ATXN7L1: variants seen among roughly 807,000 people sequenced by gnomAD.
The protein encoded by ATXN7L1 is ataxin 7 like 1, also known as ataxin-7-like protein 1.
A neutral mutation model predicts 70.8 loss-of-function variants in ATXN7L1; 15 were observed. That is an observed-to-expected ratio of 0.21 (90% CI 0.14 to 0.33). The LOEUF is 0.33. ATXN7L1 is among the 10% of genes least tolerant of loss of function. The pLI is 1.00. For missense variants in ATXN7L1, 975 were observed against 1,097.1 expected, an observed-to-expected ratio of 0.89 and a Z score of 1.57; for synonymous variants, 440 against 445.1, an observed-to-expected ratio of 0.99 and a Z score of 0.14.
intron 3 of ATXN7L1, among the ~76,000 whole-genome samples, chr7:105,692,604 G>A (rs1482654791): frequency 6.6e-6 from 1 of 151,792 alleles, no homozygotes; most frequent in African/African-American, 2.4e-5. Context: ...GCACCACTAC[G>A]CCTGGCTAGT....
intron 2 of ATXN7L1, among the ~76,000 whole-genome samples, chr7:105,858,773 C>G (rs1816108725): frequency 1.3e-5 from 2 of 151,920 alleles, no homozygotes; most frequent in South Asian, 4.1e-4. Flanking sequence ...ACTTCCAGAA[C>G]AGGAGAAAAA....
chr7:105,790,699 C>CTATCTA lies in ATXN7L1; in HGVS notation c.251-1997_251-1992dup, dbSNP rs1805091701. ...ACTATCTATCTATCTATCTATCTAT[C>CTATCTA]TATCTATCTATCTATCTATCTGACA... On this transcript the variant is annotated intron_variant, in intron 2 of 11. Transcript: ENST00000419735. Among the ~76,000 whole-genome samples the CTATCTA allele has an allele frequency of 2.6e-5, 4 of 151,340 alleles. No homozygotes were observed. The South Asian group carries it at 8.4e-4, about 32-fold the overall frequency.
At chr7:105,868,884 A>G (rs988057902) in intron 2 of ATXN7L1, among the ~76,000 whole-genome samples, 1 of 152,224 alleles carries the variant, frequency 6.6e-6, no homozygotes, top group Non-Finnish European at 1.5e-5. Context: ...TATCATATAC[A>G]GTGTTTCCGT....
rs1273927872 is a variant in ATXN7L1 at position 105,614,385 on chromosome 7, G to A, written c.1949C>T (p.Ser650Leu). 1.1e-5 allele frequency: 17 copies of A among 1,552,256 alleles called. No homozygotes were observed. The highest frequency in any genetic ancestry group is 1.7e-4 in the Middle Eastern group (1 of 6,018). Residue 650 changes from serine to leucine, a missense_variant, in exon 10 of 12, where the codon TCG becomes TTG. Ser to Leu is a moderately radical substitution (Grantham distance 145, BLOSUM62 -2). This residue lies in a region of ATXN7L1 where 635 missense variants were observed against 699.4 expected (regional missense o/e 0.91). Transcript: ENST00000419735. The surrounding 1 kb of genome is among the most constrained non-coding windows in gnomAD (Gnocchi z 4.3). ...PSNKKRKPQSSTSSSSSSSSS... is the reference protein window; with the variant it reads ...PSNKKRKPQSLTSSSSSSSSS... ...GGAGGAGGAGGAGGAGGAGGAAGTC[G>A]AAGACTGTGGCTTCCTTTTTTTGTT...
At chr7:105,863,241 A>C (rs1816902324) in intron 2 of ATXN7L1, among the ~76,000 whole-genome samples, 1 of 152,216 alleles carries the variant, frequency 6.6e-6, no homozygotes. Context: ...CACAGTTTGC[A>C]TTAGCTCCTG....
intron 2 of ATXN7L1, among the ~76,000 whole-genome samples, chr7:105,837,611 A>G (rs1019388109): frequency 6.6e-6 from 1 of 152,308 alleles, no homozygotes; most frequent in East Asian, 1.9e-4. Flanking sequence ...TTCACTTGGC[A>G]TAGATGTATC....
intron 2 of ATXN7L1, chr7:105,820,204 G>A (rs1047825495): frequency 2.1e-5 from 5 of 243,092 alleles, no homozygotes; most frequent in Admixed American, 1.1e-4. Flanking sequence ...CCTGATGCCT[G>A]TAGGTCACAG....
At chr7:105,874,106 AGAGT>A (rs1818675034) in intron 2 of ATXN7L1, among the ~76,000 whole-genome samples, 2 of 145,498 alleles carry the variant, frequency 1.4e-5, no homozygotes, top group Non-Finnish European at 3.0e-5. Context: ...GCCTGGCGAC[AGAGT>A]GAGAATCCGT....
intron 2 of ATXN7L1, chr7:105,875,202 A>G (rs1818902073): frequency 6.5e-6 from 1 of 153,236 alleles, no homozygotes; most frequent in African/African-American, 2.4e-5. Context: ...CTATCTACTC[A>G]GTGTGTCCCA....
At position 105,665,170 on chromosome 7, in the gene ATXN7L1, G is replaced by A. The variant is rs1802428342; in HGVS notation, c.474C>T (p.Ala158=). The change falls in exon 4 of 12, where the codon GCC becomes GCT. Residue 158 remains alanine (A), a synonymous_variant. Transcript: ENST00000419735. ...TTTTGAATGGCTTTGAGGTGCTGCTGGCAGAGTGATGGCCGCTGAGACAGG... is the reference window on the plus strand; with the variant it reads ...TTTTGAATGGCTTTGAGGTGCTGCTAGCAGAGTGATGGCCGCTGAGACAGG... The part of the protein sequence containing the change: ...TKACLSGHHS[A]SSTSKPFKTP... The A allele has an allele frequency of 2.6e-6, 4 of 1,551,706 alleles. No individual in the cohort carries two copies. Among genetic ancestry groups the A allele is most frequent in the East Asian group, 2.4e-5 (1 of 40,918 alleles).
chr7:105,676,635 T>C (rs1278638701), intron 3 of ATXN7L1, among the ~76,000 whole-genome samples: 1 of 150,560 alleles, frequency 6.6e-6, no homozygotes, highest in Non-Finnish European at 1.5e-5. Flanking sequence ...AGGTCAGGAG[T>C]TCAAGACCAG....
At chr7:105,744,484 T>C (rs1223421740) in intron 3 of ATXN7L1, among the ~76,000 whole-genome samples, 4 of 152,122 alleles carry the variant, frequency 2.6e-5, no homozygotes, top group Non-Finnish European at 4.4e-5. Context: ...AAAGGGCTTG[T>C]TCTCCATGTG....
In ATXN7L1 at chr7:105,605,480, G is replaced by T. The variant is rs200955030; in HGVS notation, c.*2372C>A. The T allele has an allele frequency of 1.1e-4, 11 of 100,042 alleles. No homozygotes were observed. Among genetic ancestry groups the T allele is most frequent in the Non-Finnish European group, 2.2e-4 (10 of 46,012 alleles). 6.2% of individuals were successfully genotyped at this position (100,042 alleles called of 1,614,324 possible). ...TAAGCAGCATTCGATGAGGGTGGGG[G>T]GGGGGGTGGGGGCTCTTTATTCCAG... is the stretch of plus-strand genomic sequence containing the variant. On this transcript the variant is annotated 3_prime_UTR_variant, in exon 12 of 12. Coordinates refer to ENST00000419735, the MANE Select transcript of ATXN7L1 (RefSeq NM_020725.2).
intron 3 of ATXN7L1, chr7:105,760,179 A>G: frequency 6.1e-6 from 6 of 982,714 alleles, no homozygotes; most frequent in Non-Finnish European, 7.3e-6. Flanking sequence ...CTGTCCATCT[A>G]TCCAACCATC....
chr7:105,854,941 T>C (rs1016422208), intron 2 of ATXN7L1, among the ~76,000 whole-genome samples: 21 of 148,640 alleles, frequency 1.4e-4, no homozygotes, highest in African/African-American at 5.0e-4. Context: ...TTGGGAACTT[T>C]CTCTTTTCTT....
chr7:105,727,767 T>TATTATATATATATATATA (rs1796045892), intron 3 of ATXN7L1, among the ~76,000 whole-genome samples: 1 of 100,300 alleles, frequency 1.0e-5, no homozygotes, highest in South Asian at 3.9e-4. Context: ...TATATATATA[T>TATTATATATATATATATA]ATATATATAT....
At chr7:105,778,528 A>C (rs1329510942) in intron 3 of ATXN7L1, among the ~76,000 whole-genome samples, 5 of 145,270 alleles carry the variant, frequency 3.4e-5, no homozygotes, top group Non-Finnish European at 5.9e-5. Flanking sequence ...AAAAAAAAAA[A>C]AAAAAAACAA....
rs1585174542 is a variant in ATXN7L1 at position 105,860,452 on chromosome 7, G to A, written c.250+15360C>T. The stretch of plus-strand genomic sequence containing the variant: ...AAGGTGAGCTGTGTTTTGCATTGTA[G>A]CTCCAGCTATCCACTTGAACAGAAA... On this transcript the variant is annotated intron_variant, in intron 2 of 11. Coordinates refer to ENST00000419735, the MANE Select transcript of ATXN7L1 (RefSeq NM_020725.2). 2.6e-5 allele frequency among the ~76,000 whole-genome samples: 4 copies of A among 152,066 alleles called. No homozygotes were observed. The South Asian group carries it at 8.3e-4, about 31-fold the overall frequency.
chr7:105,856,472 G>T (rs1401152098), intron 2 of ATXN7L1, among the ~76,000 whole-genome samples: 1 of 151,570 alleles, frequency 6.6e-6, no homozygotes, highest in South Asian at 2.1e-4. Flanking sequence ...TGTAATTCCA[G>T]ATACTCGGGA....
Sources: allele counts gnomAD v4.1 joint callset (sites outside exome capture counted in the v4.1 genomes callset), GRCh38; gene constraint gnomAD v4.1.1; regional missense constraint gnomAD v4.1.1; non-coding constraint Gnocchi (gnomAD v3.1); transcripts MANE v1.5; gene names NCBI Gene and HGNC (gene_info 2026-07-23, HGNC 2026-07-21).